Variants in TESMIN observed in about 807,000 individuals in gnomAD.
TESMIN encodes the protein testis expressed metallothionein like protein.
In TESMIN, 34 loss-of-function variants were observed where a neutral mutation model predicts 47.4. That is an observed-to-expected ratio of 0.72 (90% confidence interval 0.55 to 0.96). The LOEUF (loss-of-function observed/expected upper bound fraction) is 0.96. Ranked by LOEUF, TESMIN falls within the 40% of genes least tolerant of loss-of-function variation. The pLI, the probability that TESMIN is intolerant of heterozygous loss-of-function variation, is 0.00. For synonymous variants in TESMIN, 278 were observed against 258.9 expected (o/e 1.07, Z -0.71); for missense variants, 610 against 637.2 (o/e 0.96, Z 0.46).
chr11:68,715,696 G>T (rs1223411404), intron 7 of TESMIN, 141 bp downstream of exon 7: 2 of 633,010 alleles, frequency 3.2e-6, no homozygotes, highest in African/African-American at 1.8e-5. Flanking sequence ...ACCCCCACCG[G>T]CAGGAATCAA....
rs1273685091 is a variant in TESMIN, at chr11:68,715,783, C to T, written c.1020+54G>A. Reference sequence around the variant, plus strand: ...TCTCTGAAGGTGATTTTATGAACATCTCAAACAGTTTGAAATGCTTTTAAA... The same window carrying T: ...TCTCTGAAGGTGATTTTATGAACATTTCAAACAGTTTGAAATGCTTTTAAA... On this transcript the variant is annotated intron_variant, in intron 7 of 9. Transcript: ENST00000255087. 1.0e-5 allele frequency: 13 copies of T among 1,298,980 alleles called. 1 individual carries two copies. The highest frequency in any genetic ancestry group is 1.9e-5 in the Admixed American group (1 of 53,552). 80.5% of individuals were successfully genotyped at this position (1,298,980 alleles called of 1,614,324 possible).
chr11:68,750,908 A>T (rs1254623242), intron 1 of TESMIN, among the ~76,000 whole-genome samples: 1 of 9,898 alleles, frequency 1.0e-4, no homozygotes, highest in Non-Finnish European at 1.9e-4. Flanking sequence ...GGGTCAGGGG[A>T]GGGGCGACCA....
At chr11:68,746,170 TAC>T (rs56975910) in intron 3 of TESMIN, among the ~76,000 whole-genome samples, 44,802 of 149,442 alleles carry the variant, frequency 0.3, 6,832 homozygotes, top group Middle Eastern at 0.45. Flanking sequence ...AAGTTATAGC[TAC>T]ACACACACAC....
chr11:68,742,726 A>G, intron 4 of TESMIN, among the ~76,000 whole-genome samples: 1 of 152,154 alleles, frequency 6.6e-6, no homozygotes, highest in South Asian at 2.1e-4. Context: ...CAAACTCACT[A>G]GGAAAAAAAA....
chr11:68,747,530 A>G (rs10791995), intron 2 of TESMIN, among the ~76,000 whole-genome samples, 164 bp from the exon 3 acceptor site: 91,354 of 152,042 alleles, frequency 0.6, 28,948 homozygotes, highest in East Asian at 0.78. Context: ...AGGTTGAGGC[A>G]GGAGAACTGC....
intron 9 of TESMIN, 108 bp downstream of exon 9, chr11:68,710,766 C>T (rs769565730): frequency 1.2e-4 from 133 of 1,114,254 alleles, no homozygotes; most frequent in Admixed American, 5.3e-4. Context: ...AACACACGCC[C>T]GCCCCTGCAG....
chr11:68,730,152 T>C (rs1345668175), intron 6 of TESMIN, among the ~76,000 whole-genome samples: 1 of 152,228 alleles, frequency 6.6e-6, no homozygotes. Flanking sequence ...ACTTTTTAGA[T>C]AGAATGCTAT....
chr11:68,720,418 G>A (rs958467184), intron 6 of TESMIN, among the ~76,000 whole-genome samples: 3 of 151,952 alleles, frequency 2.0e-5, no homozygotes, highest in South Asian at 2.1e-4. Flanking sequence ...TAACCTTTGC[G>A]TTCAGATTTC....
At chr11:68,722,245 G>A (rs1036816290) in intron 6 of TESMIN, among the ~76,000 whole-genome samples, 1 of 152,166 alleles carries the variant, frequency 6.6e-6, no homozygotes, top group African/African-American at 2.4e-5. Flanking sequence ...AGTAAAATAG[G>A]GGTTACCAGA....
At chr11:68,723,837 A>G (rs1388271848) in intron 6 of TESMIN, among the ~76,000 whole-genome samples, 1 of 152,188 alleles carries the variant, frequency 6.6e-6, no homozygotes, top group African/African-American at 2.4e-5. Flanking sequence ...GAAAAAACAT[A>G]AAAAAGAAAA....
rs7946887 is a variant in TESMIN, at chr11:68,707,959, G to A, written c.*349C>T. On this transcript the variant is annotated 3_prime_UTR_variant, in exon 10 of 10. Coordinates refer to ENST00000255087, the MANE Select transcript of TESMIN (RefSeq NM_004923.3). Reference sequence around the variant, plus strand: ...AAGAGTCGACCAGAGTGAGCTCTCCGCAGGGCCTGCTCTGCCCTCCCCTGC... The same window carrying A: ...AAGAGTCGACCAGAGTGAGCTCTCCACAGGGCCTGCTCTGCCCTCCCCTGC... 97 of 453,388 alleles carry A rather than the reference G, an allele frequency of 2.1e-4. 1 individual carries two copies. The highest frequency in any genetic ancestry group is 7.5e-4 in the African/African-American group (38 of 50,698). The allele number at this position is 453,388 out of a possible 1,614,324, so 28.1% of individuals were successfully genotyped here. A position where few individuals can be genotyped will look rare whatever the true frequency, so the allele number is the denominator to read the frequency against.
intron 6 of TESMIN, among the ~76,000 whole-genome samples, chr11:68,735,461 G>A (rs1250368634): frequency 6.6e-6 from 1 of 152,200 alleles, no homozygotes; most frequent in Non-Finnish European, 1.5e-5. Flanking sequence ...GAGGAGGCCG[G>A]CAGGCATTTA....
At chr11:68,746,545 G>A (rs1414910110) in intron 3 of TESMIN, among the ~76,000 whole-genome samples, 2 of 152,172 alleles carry the variant, frequency 1.3e-5, no homozygotes, top group Non-Finnish European at 2.9e-5. Flanking sequence ...GAAAGGCAAT[G>A]ATCGGTTCTT....
At chr11:68,724,980 C>A (rs745412530) in intron 6 of TESMIN, among the ~76,000 whole-genome samples, 1 of 151,986 alleles carries the variant, frequency 6.6e-6, no homozygotes, top group Non-Finnish European at 1.5e-5. Context: ...AGGTTCTAGC[C>A]AGTATAATAA....
chr11:68,747,896 G>C (rs1289265157), intron 2 of TESMIN, among the ~76,000 whole-genome samples: 2 of 152,066 alleles, frequency 1.3e-5, no homozygotes, highest in African/African-American at 2.4e-5. Context: ...GGATAATACT[G>C]AAAATCAATA....
At chr11:68,749,668 G>C (rs1173513364) in intron 2 of TESMIN, among the ~76,000 whole-genome samples, 1 of 152,102 alleles carries the variant, frequency 6.6e-6, no homozygotes, top group Non-Finnish European at 1.5e-5. Context: ...TTAGCAAAGG[G>C]AAGATCTCAC....
chr11:68,707,036 C>T (rs950949987), downstream of TESMIN, among the ~76,000 whole-genome samples: 3 of 152,210 alleles, frequency 2.0e-5, no homozygotes, highest in Admixed American at 1.3e-4. Context: ...GTGGGGTGTA[C>T]GGCTGGCTGA....
At chr11:68,730,877 A>C (rs1206263746) in intron 6 of TESMIN, among the ~76,000 whole-genome samples, 1 of 152,208 alleles carries the variant, frequency 6.6e-6, no homozygotes, top group Middle Eastern at 3.2e-3. Flanking sequence ...TTCAGTTTAC[A>C]TCAACACCAT....
intron 3 of TESMIN, 145 bp from the exon 4 acceptor site, chr11:68,745,256 A>T: frequency 2.1e-6 from 1 of 472,974 alleles, no homozygotes; most frequent in Non-Finnish European, 3.4e-6. Flanking sequence ...TCTGTTTTCG[A>T]TTTCTTACTC....
Sources: allele counts gnomAD v4.1 joint callset (sites outside exome capture counted in the v4.1 genomes callset), GRCh38; gene constraint gnomAD v4.1.1; transcripts MANE v1.5; gene names NCBI Gene and HGNC (gene_info 2026-07-23, HGNC 2026-07-21).